Variants in LRRC4C observed in about 807,000 individuals in gnomAD.
LRRC4C encodes leucine rich repeat containing 4C.
In LRRC4C, 5 loss-of-function variants were observed where a neutral mutation model predicts 33.6. The ratio of observed to expected loss-of-function variants is 0.15; its 90% confidence interval spans 0.08 to 0.31. LRRC4C has a LOEUF of 0.31. LRRC4C is among the 10% of genes least tolerant of loss of function. The pLI, the probability that LRRC4C is intolerant of heterozygous loss-of-function variation, is 1.00. For missense variants in LRRC4C, 560 were observed against 796.7 expected, an observed-to-expected ratio of 0.70 and a Z score of 3.58; for synonymous variants, 329 against 302.0, an observed-to-expected ratio of 1.09 and a Z score of -0.93.
At chr11:41,107,894 A>C (rs1446890589) in intron 1 of LRRC4C, among the ~76,000 whole-genome samples, 2 of 151,730 alleles carry the variant, frequency 1.3e-5, no homozygotes, top group Non-Finnish European at 2.9e-5. Flanking sequence ...CCGAGATTGC[A>C]CCATTGCACT....
intron 5 of LRRC4C, among the ~76,000 whole-genome samples, chr11:40,217,757 C>T (rs189876815): frequency 1.9e-3 from 283 of 152,196 alleles, no homozygotes; most frequent in African/African-American, 6.5e-3. Context: ...TTAATAGTGC[C>T]TTTTCTCATC....
chr11:41,047,085 G>A (rs927832719), intron 1 of LRRC4C, among the ~76,000 whole-genome samples: 24 of 152,138 alleles, frequency 1.6e-4, no homozygotes, highest in African/African-American at 5.5e-4. Context: ...GCAAACCACA[G>A]AATGTGACAA....
intron 1 of LRRC4C, among the ~76,000 whole-genome samples, chr11:40,972,095 T>C (rs1000939423): frequency 3.3e-5 from 5 of 151,974 alleles, no homozygotes; most frequent in Non-Finnish European, 7.4e-5. Context: ...GAGTTACTTC[T>C]GGAATGAGTT....
chr11:41,329,286 T>C lies in LRRC4C; in HGVS notation c.-496+130145A>G, dbSNP rs557459869. ...CATACTCCAAAGAATCTCAAATCTA[T>C]ATCCTCTGCTAAGATCTCCCTCCTG... On this transcript the variant is annotated intron_variant, in intron 1 of 6. Coordinates refer to ENST00000528697, the MANE Select transcript of LRRC4C (RefSeq NM_001258419.2). Among the ~76,000 whole-genome samples the C allele has an allele frequency of 2.0e-5, 3 of 152,340 alleles. No homozygotes were observed. The South Asian group carries it at 6.2e-4, about 32-fold the overall frequency.
chr11:40,939,546 C>T (rs1291478007), intron 1 of LRRC4C, among the ~76,000 whole-genome samples: 8 of 152,096 alleles, frequency 5.3e-5, no homozygotes, highest in Admixed American at 3.9e-4. Context: ...ACTGCCCGCT[C>T]GGTTTTAGGC....
intron 2 of LRRC4C, among the ~76,000 whole-genome samples, chr11:40,708,255 C>G (rs1163874633): frequency 6.6e-6 from 1 of 151,974 alleles, no homozygotes; most frequent in Admixed American, 6.6e-5. Flanking sequence ...CTTCTGCTAG[C>G]TTTTGAATGT....
intron 1 of LRRC4C, among the ~76,000 whole-genome samples, chr11:41,171,618 G>T (rs1740345348): frequency 1.4e-5 from 2 of 146,234 alleles, no homozygotes; most frequent in Non-Finnish European, 3.0e-5. Flanking sequence ...GCGGGAGGGG[G>T]GAGGGATAGC....
chr11:41,327,050 G>A (rs1951143645), intron 1 of LRRC4C, among the ~76,000 whole-genome samples: 1 of 152,168 alleles, frequency 6.6e-6, no homozygotes, highest in South Asian at 2.1e-4. Flanking sequence ...GTGAGCCTCA[G>A]AGGCCAAGTG....
chr11:40,345,098 G>A (rs11035792), intron 3 of LRRC4C, among the ~76,000 whole-genome samples: 72,542 of 151,972 alleles, frequency 0.48, 17,955 homozygotes, highest in East Asian at 0.8. Flanking sequence ...TACAGAATTT[G>A]TAGATTCCAT....
intron 3 of LRRC4C, among the ~76,000 whole-genome samples, chr11:40,610,759 C>G (rs1236451700): frequency 6.6e-6 from 1 of 151,704 alleles, no homozygotes; most frequent in Non-Finnish European, 1.5e-5. Context: ...ATTAAGGAAA[C>G]AGTCCCATTT....
Position 40,654,630 on chromosome 11 carries a change from G to T in LRRC4C, c.-406-6352C>A, listed in dbSNP as rs146814311. Among the ~76,000 whole-genome samples the T allele has an allele frequency of 3.4e-3, 525 of 152,258 alleles. 2 individuals are homozygous for T. Among genetic ancestry groups the T allele is most frequent in the African/African-American group, 0.012 (494 of 41,548 alleles). On this transcript the variant is annotated intron_variant, in intron 2 of 6. Coordinates refer to ENST00000528697, the MANE Select transcript of LRRC4C (RefSeq NM_001258419.2). The stretch of plus-strand genomic sequence containing the variant: ...ACAGGATCATAGGCAGAAGGGACTT[G>T]CTTTGTCTCAGATGAGACTTTGAAC...
At chr11:41,411,975 T>C (rs781581970) in intron 1 of LRRC4C, among the ~76,000 whole-genome samples, 1 of 152,090 alleles carries the variant, frequency 6.6e-6, no homozygotes, top group Non-Finnish European at 1.5e-5. Flanking sequence ...AGTTGGAAAA[T>C]AAGTGTACAA....
chr11:40,828,481 A>G (rs1337136881), intron 2 of LRRC4C, among the ~76,000 whole-genome samples: 1 of 151,880 alleles, frequency 6.6e-6, no homozygotes, highest in East Asian at 1.9e-4. Flanking sequence ...TATTTAGATA[A>G]TATAAAGTTT....
At chr11:40,166,949 T>A (rs937304655) in intron 5 of LRRC4C, among the ~76,000 whole-genome samples, 1 of 152,172 alleles carries the variant, frequency 6.6e-6, no homozygotes. Flanking sequence ...GCCCATGATA[T>A]AAGTTCATAA....
rs926373365 is a variant in LRRC4C, at chr11:41,118,909, C to CT, written c.-495-185187dup. Reference sequence around the variant, plus strand: ...CTTCCAAAATAAATCCTTTTCTTATCTTTTTTTTTCAAAAAATAGTTGTGC... The same window carrying CT: ...CTTCCAAAATAAATCCTTTTCTTATCTTTTTTTTTTCAAAAAATAGTTGTGC... On this transcript the variant is annotated intron_variant, in intron 1 of 6. Transcript: ENST00000528697. 4.6e-4 allele frequency among the ~76,000 whole-genome samples: 68 copies of CT among 148,156 alleles called. 1 individual carries two copies. Among genetic ancestry groups the CT allele is most frequent in the Admixed American group, 1.1e-3 (16 of 14,780 alleles).
intron 3 of LRRC4C, among the ~76,000 whole-genome samples, chr11:40,387,873 T>TTTTTAAAGGCTC (rs1949172841): frequency 6.6e-6 from 1 of 152,210 alleles, no homozygotes; most frequent in African/African-American, 2.4e-5. Context: ...AGCATTTTGT[T>TTTTTAAAGGCTC]TTTTAAAGGC....
At chr11:40,759,862 G>T (rs1030280964) in intron 2 of LRRC4C, among the ~76,000 whole-genome samples, 1 of 151,070 alleles carries the variant, frequency 6.6e-6, no homozygotes, top group Non-Finnish European at 1.5e-5. Context: ...GTTGAAAGTC[G>T]GGAATTAGAA....
At chr11:40,549,084 A>T (rs1157748910) in intron 3 of LRRC4C, among the ~76,000 whole-genome samples, 1 of 152,178 alleles carries the variant, frequency 6.6e-6, no homozygotes, top group East Asian at 1.9e-4. Flanking sequence ...CTATGGCTAA[A>T]TGGCTAAAAC....
At chr11:41,303,931 C>G (rs1950370565) in intron 1 of LRRC4C, among the ~76,000 whole-genome samples, 4 of 92,856 alleles carry the variant, frequency 4.3e-5, no homozygotes, top group Admixed American at 2.6e-4. Context: ...CTCCGCCCGG[C>G]AGCCACCCCA....
Sources: allele counts gnomAD v4.1 joint callset (sites outside exome capture counted in the v4.1 genomes callset), GRCh38; gene constraint gnomAD v4.1.1; transcripts MANE v1.5; gene names NCBI Gene and HGNC (gene_info 2026-07-23, HGNC 2026-07-21).